NPAS2: variants seen among roughly 807,000 people sequenced by gnomAD.
The protein encoded by NPAS2 is neuronal PAS domain-containing protein 2.
In NPAS2, 23 loss-of-function variants were observed where a neutral mutation model predicts 107.5. That is an observed-to-expected ratio of 0.21 (90% CI 0.15 to 0.30). The LOEUF (loss-of-function observed/expected upper bound fraction) is 0.30. NPAS2 is among the 10% of genes least tolerant of loss of function. The probability of loss-of-function intolerance (pLI) is 1.00; values close to 1 mark genes in which losing one functional copy is unlikely to be tolerated. For missense variants in NPAS2, 756 were observed against 1,043.3 expected (o/e 0.72, Z 3.79); for synonymous variants, 403 against 417.5 (o/e 0.97, Z 0.42).
At chr2:100,953,375 TAAAAA>T (rs770159746) in intron 7 of NPAS2, among the ~76,000 whole-genome samples, 23 of 87,982 alleles carry the variant, frequency 2.6e-4, no homozygotes, top group Non-Finnish European at 4.1e-4. Flanking sequence ...CTCCATCTCA[TAAAAA>T]AAAAAAAAAA....
chr2:100,956,287 A>G (rs1675563113), intron 7 of NPAS2, among the ~76,000 whole-genome samples: 2 of 152,060 alleles, frequency 1.3e-5, no homozygotes, highest in South Asian at 2.1e-4. Flanking sequence ...TGCAGTACCA[A>G]TAATCCTGTC....
At chr2:100,991,678 T>C (rs1301125346) in intron 19 of NPAS2, among the ~76,000 whole-genome samples, 1 of 152,222 alleles carries the variant, frequency 6.6e-6, no homozygotes, top group East Asian at 1.9e-4. Context: ...TCAGGGTCTG[T>C]ATGTTCATTA....
rs189365465 is a variant in NPAS2, at chr2:100,974,080, G to A, written c.1141-723G>A. Reference sequence around the variant, plus strand: ...TGGTCTCGAACTCCTGACCTCAAATGATCCGCCTGCCTCAGCCTCCCAAAG... The same window carrying A: ...TGGTCTCGAACTCCTGACCTCAAATAATCCGCCTGCCTCAGCCTCCCAAAG... On this transcript the variant is annotated intron_variant, in intron 12 of 20. Transcript: ENST00000335681. Among the ~76,000 whole-genome samples the A allele has an allele frequency of 7.5e-4, 114 of 152,118 alleles. No individual in the cohort carries two copies. In the East Asian group the frequency reaches 0.02, roughly 27 times the overall value.
chr2:100,880,736 T>C (rs1232409410), intron 1 of NPAS2, among the ~76,000 whole-genome samples: 1 of 152,158 alleles, frequency 6.6e-6, no homozygotes, highest in African/African-American at 2.4e-5. Flanking sequence ...CATTTTTAAA[T>C]GGTTAATTCT....
At chr2:100,863,765 T>C (rs979259324) in intron 1 of NPAS2, among the ~76,000 whole-genome samples, 2 of 152,196 alleles carry the variant, frequency 1.3e-5, no homozygotes, top group Non-Finnish European at 2.9e-5. Context: ...ACCATTCTTA[T>C]TTTAGTTTCT....
intron 2 of NPAS2, among the ~76,000 whole-genome samples, chr2:100,910,272 C>G (rs994588555): frequency 6.6e-6 from 1 of 152,132 alleles, no homozygotes; most frequent in African/African-American, 2.4e-5. Flanking sequence ...GCCTGTGTTA[C>G]TGTTAACTAA....
intron 4 of NPAS2, among the ~76,000 whole-genome samples, chr2:100,933,329 T>C (rs2104944446): frequency 6.6e-6 from 1 of 152,320 alleles, no homozygotes; most frequent in Non-Finnish European, 1.5e-5. Flanking sequence ...AGAGGGAAGA[T>C]GAATCAGCTT....
At chr2:100,878,656 A>G (rs1019026798) in intron 1 of NPAS2, 5 of 983,304 alleles carry the variant, frequency 5.1e-6, no homozygotes, top group South Asian at 4.7e-5. Flanking sequence ...TTTTGTTTCA[A>G]AAAAAGTTTT....
Position 100,995,711 on chromosome 2 carries a change from C to G in NPAS2, c.*129C>G, listed in dbSNP as rs1678412343. On this transcript the variant is annotated 3_prime_UTR_variant, in exon 21 of 21. Transcript: ENST00000335681. ...TGCACACTGCATACGTTTCAGAACT[C>G]CTGGATGGTAACCATCTCTGGAGTG... 1.3e-6 allele frequency: 2 copies of G among 1,549,572 alleles called. No homozygotes were observed. Among genetic ancestry groups the G allele is most frequent in the Non-Finnish European group, 1.7e-6 (2 of 1,147,066 alleles).
At chr2:100,831,635 T>C (rs1213813215) in intron 1 of NPAS2, among the ~76,000 whole-genome samples, 1 of 152,168 alleles carries the variant, frequency 6.6e-6, no homozygotes, top group Admixed American at 6.5e-5. Context: ...ATTTTCCTTT[T>C]ATGGCCTCCC....
chr2:100,982,556 TC>T, intron 16 of NPAS2, 179 bp downstream of exon 16: 1 of 690,350 alleles, frequency 1.4e-6, no homozygotes, highest in South Asian at 1.9e-5. Context: ...CCGGTCCCCA[TC>T]CCTGCCTCCA....
rs1678404142 is a variant in NPAS2 at position 100,995,552 on chromosome 2, G to A, written c.2445G>A (p.Glu815=). The A allele has an allele frequency of 6.2e-7, 1 of 1,609,892 alleles. No individual in the cohort carries two copies. Among genetic ancestry groups the A allele is most frequent in the Non-Finnish European group, 8.5e-7 (1 of 1,177,916 alleles). The change falls in exon 21 of 21, where the codon GAG becomes GAA. Residue 815 remains glutamate (E), a synonymous_variant. Coordinates refer to ENST00000335681, the MANE Select transcript of NPAS2 (RefSeq NM_002518.4). The part of the protein sequence containing the change: ...RPPRRVSSLS[E]SSGLQQPPR ...CCCGAAGGGTCAGCAGTCTGTCTGA[G>A]TCGTCAGGCCTCCAGCAGCCGCCCC...
At chr2:100,978,526 A>AAAAGAAAG (rs137857480) in intron 15 of NPAS2, among the ~76,000 whole-genome samples, 116 of 151,638 alleles carry the variant, frequency 7.6e-4, no homozygotes, top group African/African-American at 2.5e-3. Context: ...TGTTTAAAAA[A>AAAAGAAAG]AAAGAAAGAA....
intron 5 of NPAS2, among the ~76,000 whole-genome samples, chr2:100,940,728 C>T (rs1396610820): frequency 6.6e-6 from 1 of 152,178 alleles, no homozygotes; most frequent in Non-Finnish European, 1.5e-5. Flanking sequence ...CACAGCCAGA[C>T]AGTGAAGAGC....
chr2:100,992,520 T>TTTTTG (rs147476810), intron 19 of NPAS2, among the ~76,000 whole-genome samples: 28,248 of 152,256 alleles, frequency 0.19, 2,826 homozygotes, highest in Middle Eastern at 0.32. Context: ...GAGTTCTCCC[T>TTTTTG]AGATCTGTTT....
intron 1 of NPAS2, chr2:100,822,893 A>T (rs894872815): frequency 6.6e-5 from 10 of 152,202 alleles, no homozygotes; most frequent in African/African-American, 2.4e-4. Flanking sequence ...CATAGCAAGC[A>T]TCTAATTGAG....
intron 12 of NPAS2, among the ~76,000 whole-genome samples, chr2:100,974,163 T>A (rs1193782210): frequency 6.6e-6 from 1 of 152,202 alleles, no homozygotes. Flanking sequence ...CCTGTTTTCA[T>A]GTGCCTATAA....
intron 7 of NPAS2, 151 bp from the exon 8 acceptor site, chr2:100,963,907 T>A: frequency 3.6e-6 from 2 of 561,782 alleles, no homozygotes; most frequent in Non-Finnish European, 6.4e-6. Context: ...ATAGTTGACC[T>A]ACCTCATCCA....
At chr2:100,985,054 C>T (rs1298173329) in intron 16 of NPAS2, 5 of 152,196 alleles carry the variant, frequency 3.3e-5, no homozygotes, top group East Asian at 1.9e-4. Context: ...GCTGGCTGCT[C>T]AAAGGAATGC....
Sources: gnomAD v4.1 joint callset for allele counts (sites outside exome capture counted in the v4.1 genomes callset) on GRCh38, gnomAD v4.1.1 for gene constraint, MANE v1.5 for transcripts, NCBI Gene and HGNC (gene_info 2026-07-23, HGNC 2026-07-21) for gene names.